BNC2: variants seen among roughly 807,000 people sequenced by gnomAD.
BNC2 encodes the protein zinc finger protein basonuclin-2.
In BNC2, 20 loss-of-function variants were observed where a neutral mutation model predicts 76.3. That is an observed-to-expected ratio of 0.26 (90% CI 0.18 to 0.38). The LOEUF (loss-of-function observed/expected upper bound fraction) is 0.38, where lower values mean the gene tolerates loss of function less well. Among genes scored for constraint, BNC2 ranks in the 10% least tolerant of loss-of-function variants. BNC2 has a pLI of 1.00. For synonymous variants in BNC2, 582 were observed against 514.8 expected (o/e 1.13, Z -1.77); for missense variants, 1,382 against 1,399.8 (o/e 0.99, Z 0.20).
At chr9:16,714,378 T>C (rs1823939669) in intron 3 of BNC2, among the ~76,000 whole-genome samples, 1 of 152,258 alleles carries the variant, frequency 6.6e-6, no homozygotes, top group Non-Finnish European at 1.5e-5. Flanking sequence ...ATATTAAAGA[T>C]ACTTTATCTA....
At chr9:16,560,856 A>C (rs7858025) in intron 4 of BNC2, among the ~76,000 whole-genome samples, 1 of 152,260 alleles carries the variant, frequency 6.6e-6, no homozygotes, top group African/African-American at 2.4e-5. Flanking sequence ...GCAGGAACAA[A>C]AGCTGGTGAA....
intron 1 of BNC2, among the ~76,000 whole-genome samples, chr9:16,780,985 CTATAAGA>C (rs1486733218): frequency 1.3e-5 from 2 of 151,780 alleles, no homozygotes; most frequent in Non-Finnish European, 2.9e-5. Context: ...AGAAAATTCT[CTATAAGA>C]TATAATTCCT....
Position 16,794,765 on chromosome 9 carries a change from C to T in BNC2, c.4-56280G>A, listed in dbSNP as rs11999769. ...CATATTAGTTCTCTTCAATTTTACA[C>T]TTTTGGGGGTTTAGACCTCTCAATC... On this transcript the variant is annotated intron_variant, in intron 1 of 6. Coordinates refer to ENST00000380672, the MANE Select transcript of BNC2 (RefSeq NM_017637.6). Among the ~76,000 whole-genome samples the T allele has an allele frequency of 6.9e-3, 1,047 of 152,266 alleles. 12 individuals are homozygous for T. Among genetic ancestry groups the T allele is most frequent in the African/African-American group, 0.023 (975 of 41,540 alleles).
intron 1 of BNC2, among the ~76,000 whole-genome samples, chr9:16,828,963 C>G (rs11788101): frequency 1.5e-5 from 2 of 136,572 alleles, no homozygotes; most frequent in Non-Finnish European, 3.0e-5. Context: ...GGCTGGGGCG[C>G]GGGGGAGAGG....
At chr9:16,815,593 T>C (rs1254036497) in intron 1 of BNC2, among the ~76,000 whole-genome samples, 1 of 152,174 alleles carries the variant, frequency 6.6e-6, no homozygotes. Context: ...GGCGGATCCA[T>C]TAACATAAAT....
At chr9:16,664,161 A>C (rs1822196156) in intron 3 of BNC2, among the ~76,000 whole-genome samples, 1 of 152,154 alleles carries the variant, frequency 6.6e-6, no homozygotes, top group Non-Finnish European at 1.5e-5. Context: ...GACTTGTGAC[A>C]TCAGTATTCA....
chr9:16,668,381 T>C (rs777906724), intron 3 of BNC2, among the ~76,000 whole-genome samples: 2 of 152,186 alleles, frequency 1.3e-5, no homozygotes, highest in Non-Finnish European at 2.9e-5. Context: ...CAGAAAACCA[T>C]TGTGACACTC....
intron 5 of BNC2, among the ~76,000 whole-genome samples, chr9:16,551,867 T>TA: frequency 6.6e-6 from 1 of 152,136 alleles, no homozygotes; most frequent in South Asian, 2.1e-4. Flanking sequence ...AGAAAACTCT[T>TA]AGAGCCCTTA....
intron 1 of BNC2, among the ~76,000 whole-genome samples, chr9:16,758,178 G>C (rs1825443116): frequency 6.7e-6 from 1 of 150,200 alleles, no homozygotes; most frequent in South Asian, 2.2e-4. Context: ...AGCAATGTTA[G>C]AGCTCTCTTA....
rs1433470950 is a variant in BNC2 at position 16,416,144 on chromosome 9, G to T, written c.*2845C>A. Reference sequence around the variant, plus strand: ...ACGAGGGCTATCTGACCTTTTATTTGACATTAAATTAAACAGACTAAACAT... The same window carrying T: ...ACGAGGGCTATCTGACCTTTTATTTTACATTAAATTAAACAGACTAAACAT... On this transcript the variant is annotated 3_prime_UTR_variant, in exon 7 of 7. Coordinates refer to ENST00000380672, the MANE Select transcript of BNC2 (RefSeq NM_017637.6). The T allele has an allele frequency of 6.6e-6, 1 of 152,142 alleles. No individual in the cohort carries two copies. The highest frequency in any genetic ancestry group is 2.4e-5 in the African/African-American group (1 of 41,430). 9.4% of individuals were successfully genotyped at this position (152,142 alleles called of 1,614,324 possible).
At chr9:16,789,615 C>T (rs1455931833) in intron 1 of BNC2, among the ~76,000 whole-genome samples, 1 of 152,214 alleles carries the variant, frequency 6.6e-6, no homozygotes, top group Admixed American at 6.5e-5. Context: ...CTCTCATACA[C>T]TCAGGCTATG....
intron 1 of BNC2, among the ~76,000 whole-genome samples, chr9:16,837,165 G>C (rs1321648251): frequency 6.6e-6 from 1 of 152,138 alleles, no homozygotes; most frequent in Non-Finnish European, 1.5e-5. Flanking sequence ...CCACAACAAA[G>C]ATCTCAGTAA....
chr9:16,548,405 G>A (rs34865223), intron 5 of BNC2, among the ~76,000 whole-genome samples: 6 of 143,836 alleles, frequency 4.2e-5, no homozygotes, highest in Non-Finnish European at 3.1e-5. Context: ...CTTCTTCTTC[G>A]TTTTTTTTTT....
chr9:16,659,544 A>G (rs939667161), intron 3 of BNC2, among the ~76,000 whole-genome samples: 3 of 149,074 alleles, frequency 2.0e-5, no homozygotes, highest in African/African-American at 4.9e-5. Context: ...GGAGGCGGAA[A>G]TTGAAGTTAG....
intron 5 of BNC2, among the ~76,000 whole-genome samples, chr9:16,464,081 A>T (rs2131283374): frequency 6.9e-6 from 1 of 144,400 alleles, no homozygotes; most frequent in East Asian, 2.0e-4. Context: ...GAGACAGGGC[A>T]AGACCCTGTC....
intron 6 of BNC2, among the ~76,000 whole-genome samples, chr9:16,425,025 GA>G (rs1820777887): frequency 6.6e-6 from 1 of 152,080 alleles, no homozygotes; most frequent in South Asian, 2.1e-4. Flanking sequence ...CCTAGCTCAG[GA>G]AGAAAATTCA....
chr9:16,808,701 T>C (rs1473290418), intron 1 of BNC2, among the ~76,000 whole-genome samples: 1 of 151,584 alleles, frequency 6.6e-6, no homozygotes, highest in Non-Finnish European at 1.5e-5. Flanking sequence ...CCAAGCTTTT[T>C]TTTTTATTTC....
At chr9:16,822,137 G>A (rs1480622811) in intron 1 of BNC2, among the ~76,000 whole-genome samples, 2 of 148,836 alleles carry the variant, frequency 1.3e-5, no homozygotes, top group Non-Finnish European at 3.0e-5. Context: ...GTAGTGACAT[G>A]CCCGTAATCC....
chr9:16,445,614 C>G (rs993151691), intron 5 of BNC2, among the ~76,000 whole-genome samples: 3 of 152,146 alleles, frequency 2.0e-5, no homozygotes, highest in African/African-American at 7.2e-5. Context: ...AAATACAATG[C>G]TGACCAATCA....
Sources: allele counts gnomAD v4.1 joint callset (sites outside exome capture counted in the v4.1 genomes callset), GRCh38; gene constraint gnomAD v4.1.1; transcripts MANE v1.5; gene names NCBI Gene and HGNC (gene_info 2026-07-23, HGNC 2026-07-21).